The following PRKAR1B variants were observed in gnomAD, a reference collection of about 807,000 sequenced individuals.
PRKAR1B encodes the protein cAMP-dependent protein kinase type I-beta regulatory subunit.
Under a neutral mutation model 46.5 loss-of-function variants are expected in PRKAR1B, and 22 were observed. The ratio of observed to expected loss-of-function variants is 0.47; its 90% CI spans 0.34 to 0.68. The LOEUF is 0.68. PRKAR1B is among the 30% of genes least tolerant of loss of function. PRKAR1B has a pLI of 0.01. For synonymous variants in PRKAR1B, 259 were observed against 217.7 expected (o/e 1.19, Z -1.67); for missense variants, 445 against 535.6 (o/e 0.83, Z 1.67).
At chr7:609,843 G>A (rs1006308504) in intron 4 of PRKAR1B, among the ~76,000 whole-genome samples, 2 of 152,080 alleles carry the variant, frequency 1.3e-5, no homozygotes, top group Non-Finnish European at 2.9e-5. Context: ...TGGGTTTAAG[G>A]TGTCCTCTCA....
At chr7:572,877 G>A (rs1779604709) in intron 9 of PRKAR1B, among the ~76,000 whole-genome samples, 1 of 152,260 alleles carries the variant, frequency 6.6e-6, no homozygotes, top group Non-Finnish European at 1.5e-5. Context: ...GCTGGAGGAA[G>A]AATGACAGTG....
chr7:624,460 T>C (rs1783276952), intron 4 of PRKAR1B, among the ~76,000 whole-genome samples: 1 of 152,142 alleles, frequency 6.6e-6, no homozygotes, highest in African/African-American at 2.4e-5. Flanking sequence ...TGCATGCTCT[T>C]TGAATGGGTT....
intron 4 of PRKAR1B, among the ~76,000 whole-genome samples, chr7:660,792 C>G (rs1785491626): frequency 9.8e-6 from 1 of 102,554 alleles, no homozygotes; most frequent in East Asian, 3.5e-4. Context: ...CCCACCCCAA[C>G]AGATGCAAAT....
chr7:551,289 C>A, intron 10 of PRKAR1B, 100 bp downstream of exon 10: 2 of 1,160,574 alleles, frequency 1.7e-6, no homozygotes, highest in Admixed American at 2.1e-5. Context: ...TACAAGGCCC[C>A]AGGGAAGCCC....
intron 4 of PRKAR1B, among the ~76,000 whole-genome samples, chr7:630,646 C>T (rs1373014665): frequency 6.6e-6 from 1 of 152,218 alleles, no homozygotes; most frequent in African/African-American, 2.4e-5. Flanking sequence ...CAAATGCCTC[C>T]CTCCTGGCCT....
chr7:563,759 T>C (rs1436467776), intron 9 of PRKAR1B, among the ~76,000 whole-genome samples: 1 of 151,660 alleles, frequency 6.6e-6, no homozygotes, highest in East Asian at 1.9e-4. Context: ...GTGTGTGTGC[T>C]CAGGTGTGCA....
At chr7:632,774 A>T (rs1399346494) in intron 4 of PRKAR1B, among the ~76,000 whole-genome samples, 1 of 152,170 alleles carries the variant, frequency 6.6e-6, no homozygotes, top group Non-Finnish European at 1.5e-5. Flanking sequence ...CACGTGATAC[A>T]AGCTACAGAG....
In PRKAR1B at chr7:715,273, T is replaced by C. The variant is rs147819310; in HGVS notation, c.-22-3746A>G. Reference sequence around the variant, plus strand: ...TCGCCACTGAGGACATCCAAGTGAATACACCACTGATCTGACACAATCCCC... The same window carrying C: ...TCGCCACTGAGGACATCCAAGTGAACACACCACTGATCTGACACAATCCCC... On this transcript the variant is annotated intron_variant, in intron 1 of 10. Coordinates refer to ENST00000537384, the MANE Select transcript of PRKAR1B (RefSeq NM_001164760.2). Among the ~76,000 whole-genome samples, 1,338 of 152,272 alleles carry C rather than the reference T, an allele frequency of 8.8e-3. 11 individuals are homozygous for C. The highest frequency in any genetic ancestry group is 0.031 in the Middle Eastern group (9 of 292).
At chr7:622,010 G>A (rs1034313086) in intron 4 of PRKAR1B, among the ~76,000 whole-genome samples, 7 of 152,212 alleles carry the variant, frequency 4.6e-5, no homozygotes, top group African/African-American at 4.8e-5. Flanking sequence ...CCCATGCCCC[G>A]ATCTCAGCCA....
intron 7 of PRKAR1B, 149 bp from the exon 8 acceptor site, chr7:584,717 T>A (rs974317347): frequency 2.9e-6 from 2 of 688,476 alleles, no homozygotes; most frequent in South Asian, 3.4e-5. Context: ...CGACTCGGAG[T>A]CTGCGTGAGC....
intron 7 of PRKAR1B, among the ~76,000 whole-genome samples, chr7:592,091 G>A (rs1781008599): frequency 6.6e-6 from 1 of 152,154 alleles, no homozygotes; most frequent in African/African-American, 2.4e-5. Flanking sequence ...TCCGTGAGGT[G>A]GACTTGCCAG....
intron 4 of PRKAR1B, among the ~76,000 whole-genome samples, chr7:647,805 CAAAAAAAA>C (rs769761277): frequency 2.2e-4 from 4 of 17,882 alleles, no homozygotes; most frequent in African/African-American, 3.6e-4. Flanking sequence ...ACTTCGTCTC[CAAAAAAAA>C]AAAAAAAAAA....
chr7:648,721 G>A (rs1784744520), intron 4 of PRKAR1B, among the ~76,000 whole-genome samples: 1 of 152,184 alleles, frequency 6.6e-6, no homozygotes, highest in Non-Finnish European at 1.5e-5. Context: ...GGCAGAGGTT[G>A]CAGTGAGCTA....
rs777702342 is a variant in PRKAR1B, at chr7:680,687, A to G, written c.217T>C (p.Ser73Pro). The change falls in exon 3 of 11, where the codon TCA becomes CCA. Residue 73 changes from serine (S) to proline (P), a missense_variant. Physicochemically the swap from Ser to Pro is moderately conservative, Grantham distance 74 (BLOSUM62 -1). Around this residue, in one of 5 missense-constraint regions of PRKAR1B, gnomAD observed 155 missense variants for 127.5 expected, o/e 1.22. Coordinates refer to ENST00000537384, the MANE Select transcript of PRKAR1B (RefSeq NM_001164760.2). Reference sequence around the variant, plus strand: ...TCCTCATCATGGGAGTCCGACTGTGAGTTTGACTTTTGCCGCGCCAAAATC... The same window carrying G: ...TCCTCATCATGGGAGTCCGACTGTGGGTTTGACTTTTGCCGCGCCAAAATC... ...RQILARQKSNSQSDSHDEEVS... is the reference protein window; with the variant it reads ...RQILARQKSNPQSDSHDEEVS... 2 of 1,613,592 alleles carry G rather than the reference A, an allele frequency of 1.2e-6. No individual in the cohort carries two copies. Among genetic ancestry groups the G allele is most frequent in the African/African-American group, 2.7e-5 (2 of 74,850 alleles).
rs748743633 is a variant in PRKAR1B, at chr7:551,448, C to T, written c.914G>A (p.Arg305His). 1.5e-4 allele frequency: 241 copies of T among 1,557,592 alleles called. No homozygotes were observed. Among genetic ancestry groups the T allele is most frequent in the Non-Finnish European group, 2.0e-4 (230 of 1,150,450 alleles). Residue 305 changes from arginine to histidine, a missense_variant, in exon 10 of 11, where the codon CGC becomes CAC. By Grantham distance (29) the Arg-to-His change is conservative. Around this residue, in one of 5 missense-constraint regions of PRKAR1B, gnomAD observed 127 missense variants for 138.0 expected, o/e 0.92. Transcript: ENST00000537384. ...CACGTACTCCTCATTGGGGGACCGG[C>T]GCTGCAGCACGGACGCGGTGCCCTG... Reference protein sequence around the residue: ...ITEGTASVLQRRSPNEEYVEV... With the variant: ...ITEGTASVLQHRSPNEEYVEV...
At chr7:574,529 C>G (rs1441116135) in intron 9 of PRKAR1B, among the ~76,000 whole-genome samples, 1 of 152,026 alleles carries the variant, frequency 6.6e-6, no homozygotes, top group African/African-American at 2.4e-5. Flanking sequence ...ACTGCAATCT[C>G]TGCCTCCTGG....
intron 10 of PRKAR1B, 143 bp downstream of exon 10, chr7:551,246 T>G: frequency 1.3e-6 from 1 of 775,722 alleles, no homozygotes; most frequent in Non-Finnish European, 2.1e-6. Flanking sequence ...GAGCCTTCTG[T>G]TGCAGCCACA....
At chr7:706,340 A>G (rs1780321214) in intron 2 of PRKAR1B, among the ~76,000 whole-genome samples, 1 of 126,446 alleles carries the variant, frequency 7.9e-6, no homozygotes, top group Non-Finnish European at 1.7e-5. Flanking sequence ...AAGAAGATTG[A>G]TGGTGTCATT....
chr7:655,579 C>T (rs2128492021), intron 4 of PRKAR1B, among the ~76,000 whole-genome samples: 1 of 152,298 alleles, frequency 6.6e-6, no homozygotes, highest in African/African-American at 2.4e-5. Flanking sequence ...TATATTCTAA[C>T]AATTTATTTC....
Sources: allele counts gnomAD v4.1 joint callset (sites outside exome capture counted in the v4.1 genomes callset), GRCh38; gene constraint gnomAD v4.1.1; regional missense constraint gnomAD v4.1.1; transcripts MANE v1.5; gene names NCBI Gene and HGNC (gene_info 2026-07-23, HGNC 2026-07-21).